Variants in CRYBG1 observed in about 807,000 individuals in gnomAD.
CRYBG1 encodes crystallin beta-gamma domain containing 1, also known as beta/gamma crystallin domain-containing protein 1.
Under a neutral mutation model 189.2 loss-of-function variants are expected in CRYBG1, and 139 were observed. The ratio of observed to expected loss-of-function variants is 0.73; its 90% CI spans 0.64 to 0.85. CRYBG1 has a LOEUF of 0.85. Among genes scored for constraint, CRYBG1 ranks in the 40% least tolerant of loss-of-function variants. The pLI is 0.00. For synonymous variants in CRYBG1, 1,023 were observed against 1,017.1 expected (o/e 1.01, Z -0.11); for missense variants, 2,611 against 2,675.8 (o/e 0.98, Z 0.53).
At chr6:106,391,119 G>A (rs943369825) in intron 1 of CRYBG1, among the ~76,000 whole-genome samples, 3 of 152,154 alleles carry the variant, frequency 2.0e-5, no homozygotes, top group Non-Finnish European at 4.4e-5. Context: ...CCAGGCTGGA[G>A]TGCACTGGCG....
At chr6:106,495,998 T>C (rs771797108) in intron 2 of CRYBG1, among the ~76,000 whole-genome samples, 22 of 152,168 alleles carry the variant, frequency 1.4e-4, no homozygotes, top group Admixed American at 1.1e-3. Context: ...TCTTTTAAAA[T>C]GTAGGTTATC....
chr6:106,555,857 C>T lies in CRYBG1; in HGVS notation c.5675C>T (p.Pro1892Leu), dbSNP rs756312482. 6.2e-6 allele frequency: 10 copies of T among 1,614,140 alleles called. No homozygotes were observed. Among genetic ancestry groups the T allele is most frequent in the East Asian group, 4.5e-5 (2 of 44,882 alleles). Residue 1892 changes from proline to leucine, a missense_variant, in exon 17 of 22, where the codon CCG becomes CTG. Pro to Leu is a moderately conservative substitution (Grantham distance 98). Transcript: ENST00000633556. ...CCTTGTCTGTCTGCAATGGGATGCCCGCCTGGAGCAACTTTCAAGTCTCTT... is the reference window on the plus strand; with the variant it reads ...CCTTGTCTGTCTGCAATGGGATGCCTGCCTGGAGCAACTTTCAAGTCTCTT... ...HYPCLSAMGC[P>L]PGATFKSLRF...
chr6:106,472,927 A>G (rs1160905975), intron 2 of CRYBG1, among the ~76,000 whole-genome samples: 3 of 147,898 alleles, frequency 2.0e-5, no homozygotes, highest in Admixed American at 6.7e-5. Flanking sequence ...AAAAAAAAAG[A>G]AAGTATATTC....
intron 1 of CRYBG1, among the ~76,000 whole-genome samples, chr6:106,398,706 T>C (rs1770662505): frequency 6.6e-6 from 1 of 152,192 alleles, no homozygotes; most frequent in African/African-American, 2.4e-5. Flanking sequence ...TTCAATGTGA[T>C]CTTTTCTATG....
intron 8 of CRYBG1, among the ~76,000 whole-genome samples, chr6:106,532,233 C>T (rs1443296069): frequency 6.6e-6 from 1 of 152,098 alleles, no homozygotes; most frequent in Non-Finnish European, 1.5e-5. Context: ...ATCATAGTTA[C>T]CCTACTGTGG....
rs776895692 is a variant in CRYBG1 at position 106,525,191 on chromosome 6, T to A, written c.4293+11T>A. ...CCCCGACCTGGAAAGGTAAGATTAT[T>A]TTCTGTTTCTAGTCTTGATTCTATT... On this transcript the variant is annotated intron_variant, in intron 5 of 21. Transcript: ENST00000633556. The A allele has an allele frequency of 2.5e-5, 40 of 1,613,978 alleles. No individual in the cohort carries two copies. The highest frequency in any genetic ancestry group is 3.3e-4 in the Middle Eastern group (2 of 6,082).
chr6:106,436,387 C>T (rs1288041654), intron 1 of CRYBG1, among the ~76,000 whole-genome samples: 11 of 151,636 alleles, frequency 7.3e-5, no homozygotes, highest in African/African-American at 2.2e-4. Flanking sequence ...CAGGCTCCGC[C>T]TCCCGGGTTC....
At chr6:106,534,454 T>C (rs754996646) in intron 8 of CRYBG1, among the ~76,000 whole-genome samples, 17 of 152,190 alleles carry the variant, frequency 1.1e-4, no homozygotes, top group Non-Finnish European at 2.2e-4. Flanking sequence ...AAGGAAAGTC[T>C]CAAGGGGTTG....
At chr6:106,389,983 A>G (rs1475600740) in intron 1 of CRYBG1, among the ~76,000 whole-genome samples, 7 of 152,038 alleles carry the variant, frequency 4.6e-5, no homozygotes, top group Admixed American at 6.6e-5. Context: ...TTTTGTGTAA[A>G]CCTTTGGAAA....
chr6:106,474,105 G>T (rs911695789), intron 2 of CRYBG1, among the ~76,000 whole-genome samples: 2 of 152,184 alleles, frequency 1.3e-5, no homozygotes, highest in African/African-American at 4.8e-5. Context: ...TGTATCTGTA[G>T]TCCTTTTACA....
Position 106,561,339 on chromosome 6 carries a change from T to C in CRYBG1, c.5980-3T>C, listed in dbSNP as rs777178458. 1.9e-6 allele frequency: 3 copies of C among 1,613,754 alleles called. No homozygotes were observed. In the East Asian group the frequency reaches 6.7e-5, roughly 36 times the overall value. On this transcript the variant is annotated splice_polypyrimidine_tract_variant and splice_region_variant and intron_variant, in intron 19 of 21. Transcript: ENST00000633556. ...AACAACTGCTGGGGGTTTTGTCTTC[T>C]AGAAGCGAATTTATTTCAGACTTCG...
intron 2 of CRYBG1, among the ~76,000 whole-genome samples, chr6:106,472,094 T>A (rs1167718748): frequency 1.3e-5 from 2 of 152,250 alleles, no homozygotes; most frequent in Non-Finnish European, 2.9e-5. Flanking sequence ...AGTATCCTAT[T>A]AAAATTTTTG....
intron 1 of CRYBG1, among the ~76,000 whole-genome samples, chr6:106,395,964 G>A (rs1479425939): frequency 1.3e-5 from 2 of 152,134 alleles, no homozygotes; most frequent in Non-Finnish European, 2.9e-5. Flanking sequence ...TCATGGAGGA[G>A]ATAACCCATC....
intron 4 of CRYBG1, among the ~76,000 whole-genome samples, chr6:106,522,322 A>G (rs948079358): frequency 6.6e-6 from 1 of 151,538 alleles, no homozygotes; most frequent in Non-Finnish European, 1.5e-5. Flanking sequence ...TTTTGTCTTT[A>G]TTGGGAATTA....
At chr6:106,417,667 A>AT (rs1771049788) in intron 1 of CRYBG1, among the ~76,000 whole-genome samples, 1 of 152,258 alleles carries the variant, frequency 6.6e-6, no homozygotes, top group South Asian at 2.1e-4. Flanking sequence ...CAGCAGGTGC[A>AT]TCCTGTCTAC....
chr6:106,462,249 C>T (rs1167136155), intron 2 of CRYBG1, among the ~76,000 whole-genome samples: 2 of 152,222 alleles, frequency 1.3e-5, no homozygotes, highest in Non-Finnish European at 2.9e-5. Context: ...CGGCTCACTG[C>T]AAGCTCCGCC....
chr6:106,520,437 G>A lies in CRYBG1; in HGVS notation c.3229G>A (p.Val1077Ile). 3 of 1,614,124 alleles carry A rather than the reference G, an allele frequency of 1.9e-6. No homozygotes were observed. The highest frequency in any genetic ancestry group is 2.5e-6 in the Non-Finnish European group (3 of 1,180,006). The change falls in exon 4 of 22, where the codon GTT becomes ATT. Residue 1077 changes from valine (V) to isoleucine (I), a missense_variant. Coordinates refer to ENST00000633556, the MANE Select transcript of CRYBG1 (RefSeq NM_001371242.2). ...LATPQRPDQT[V>I]TNGQDSPASL... The stretch of plus-strand genomic sequence containing the variant: ...CACTCCTCAAAGGCCAGATCAGACT[G>A]TTACAAATGGCCAGGATAGCCCTGC...
chr6:106,361,133 T>A (rs1341144338), intron 1 of CRYBG1, 52 bp downstream of exon 1: 11 of 1,508,720 alleles, frequency 7.3e-6, no homozygotes, highest in Non-Finnish European at 7.9e-6. Flanking sequence ...CTCCTCCTTC[T>A]CCTGCTGCGC....
At chr6:106,555,079 T>G (rs1774500786) in intron 16 of CRYBG1, among the ~76,000 whole-genome samples, 1 of 151,508 alleles carries the variant, frequency 6.6e-6, no homozygotes, top group South Asian at 2.1e-4. Flanking sequence ...GCAGAAGAAT[T>G]GCTTGAACCC....
Sources: allele counts gnomAD v4.1 joint callset (sites outside exome capture counted in the v4.1 genomes callset), GRCh38; gene constraint gnomAD v4.1.1; transcripts MANE v1.5; gene names NCBI Gene and HGNC (gene_info 2026-07-23, HGNC 2026-07-21).